The following CTNND2 variants were observed in gnomAD, a reference collection of about 807,000 sequenced individuals.
The protein encoded by CTNND2 is catenin delta-2.
CTNND2 carries 22 observed loss-of-function variants against 144.4 expected under a neutral mutation model. That is an observed-to-expected ratio of 0.15 (90% CI 0.11 to 0.22). The LOEUF is 0.22. Ranked by LOEUF, CTNND2 falls within the 10% of genes least tolerant of loss-of-function variation. The pLI, the probability that CTNND2 is intolerant of heterozygous loss-of-function variation, is 1.00. For synonymous variants in CTNND2, 751 were observed against 695.6 expected (o/e 1.08, Z -1.25); for missense variants, 1,353 against 1,618.8 (o/e 0.84, Z 2.82).
rs5865956 is a variant in CTNND2 at position 11,546,290 on chromosome 5, CT to C, written c.287+18653del. Among the ~76,000 whole-genome samples the C allele has an allele frequency of 4.0e-5, 6 of 151,790 alleles. 1 individual carries two copies. In the East Asian group the frequency reaches 7.7e-4, roughly 20 times the overall value. On this transcript the variant is annotated intron_variant, in intron 3 of 21. Coordinates refer to ENST00000304623, the MANE Select transcript of CTNND2 (RefSeq NM_001332.4). ...CATTTGATTTATATCTCAATAAAGC[CT>C]TTTTTTTCTAAAAAAAGCCCTGCAG...
chr5:11,231,403 T>G (rs951866479), intron 10 of CTNND2, among the ~76,000 whole-genome samples: 5 of 152,274 alleles, frequency 3.3e-5, no homozygotes, highest in African/African-American at 1.2e-4. Context: ...AGAGACTTGT[T>G]GAATGGCTTT....
chr5:11,049,717 G>A (rs11740371), intron 16 of CTNND2, among the ~76,000 whole-genome samples: 11,570 of 152,222 alleles, frequency 0.076, 573 homozygotes, highest in Non-Finnish European at 0.1. Context: ...CCACCCCTTT[G>A]TGCATGGAAT....
At chr5:11,113,892 G>A (rs540806064) in intron 13 of CTNND2, among the ~76,000 whole-genome samples, 43 of 152,284 alleles carry the variant, frequency 2.8e-4, no homozygotes, top group Middle Eastern at 3.4e-3. Context: ...ACTTATTACC[G>A]AGGGCATGAA....
chr5:11,724,195 C>G (rs113879670), intron 2 of CTNND2, among the ~76,000 whole-genome samples: 2,156 of 152,020 alleles, frequency 0.014, 29 homozygotes, highest in African/African-American at 0.023. Flanking sequence ...TGTCAGTAAA[C>G]AAACCAGTAA....
chr5:11,194,073 T>G (rs1381973335), intron 11 of CTNND2, among the ~76,000 whole-genome samples: 1 of 152,072 alleles, frequency 6.6e-6, no homozygotes, highest in Non-Finnish European at 1.5e-5. Flanking sequence ...AAGGAGTAAT[T>G]CAGACAAGAA....
At chr5:11,116,630 T>A (rs1172774286) in intron 13 of CTNND2, among the ~76,000 whole-genome samples, 1 of 152,242 alleles carries the variant, frequency 6.6e-6, no homozygotes, top group African/African-American at 2.4e-5. Context: ...TGAATAGACT[T>A]TGCTGATTTA....
chr5:11,405,698 GT>G (rs1250010707), intron 5 of CTNND2, among the ~76,000 whole-genome samples: 1 of 152,094 alleles, frequency 6.6e-6, no homozygotes, highest in African/African-American at 2.4e-5. Context: ...CCACCTATGT[GT>G]TTTCCCTCAG....
chr5:11,084,640 T>C (rs1217447066), intron 15 of CTNND2, among the ~76,000 whole-genome samples: 1 of 152,178 alleles, frequency 6.6e-6, no homozygotes, highest in African/African-American at 2.4e-5. Context: ...CTGATGCAAG[T>C]GCCCTCAGCC....
At chr5:11,555,814 G>A (rs770418727) in intron 3 of CTNND2, among the ~76,000 whole-genome samples, 1 of 152,136 alleles carries the variant, frequency 6.6e-6, no homozygotes, top group East Asian at 1.9e-4. Flanking sequence ...GGAAGGTTCT[G>A]CTCTGGAATT....
intron 9 of CTNND2, among the ~76,000 whole-genome samples, chr5:11,282,370 C>T (rs539402254): frequency 9.9e-5 from 15 of 152,208 alleles, no homozygotes; most frequent in South Asian, 4.2e-4. Flanking sequence ...TAAGAGGTTC[C>T]GGACTTGATA....
intron 9 of CTNND2, among the ~76,000 whole-genome samples, chr5:11,304,849 A>G (rs1213264635): frequency 2.6e-5 from 4 of 152,166 alleles, no homozygotes; most frequent in Non-Finnish European, 5.9e-5. Flanking sequence ...TCTGCTGGGA[A>G]TCTCCACGTG....
intron 7 of CTNND2, among the ~76,000 whole-genome samples, chr5:11,380,571 A>AT (rs1321114387): frequency 1.3e-5 from 2 of 152,284 alleles, no homozygotes; most frequent in East Asian, 1.9e-4. Context: ...AGCAGATATG[A>AT]TTTTTTTAAA....
At chr5:11,163,396 T>C in intron 11 of CTNND2, among the ~76,000 whole-genome samples, 1 of 152,194 alleles carries the variant, frequency 6.6e-6, no homozygotes, top group East Asian at 1.9e-4. Flanking sequence ...GACTGCAGCC[T>C]CATGACAGAC....
At chr5:11,894,108 A>C (rs1240058860) in intron 1 of CTNND2, among the ~76,000 whole-genome samples, 2 of 152,140 alleles carry the variant, frequency 1.3e-5, no homozygotes, top group Non-Finnish European at 2.9e-5. Context: ...CAAAGTATTT[A>C]AGGAAATATC....
At chr5:11,880,836 C>A (rs1403486819) in intron 1 of CTNND2, among the ~76,000 whole-genome samples, 1 of 119,448 alleles carries the variant, frequency 8.4e-6, no homozygotes, top group Non-Finnish European at 1.7e-5. Flanking sequence ...CCACTACTAC[C>A]ACTACTACTA....
intron 14 of CTNND2, among the ~76,000 whole-genome samples, chr5:11,110,192 G>T (rs566582022): frequency 1.3e-5 from 2 of 152,158 alleles, no homozygotes; most frequent in African/African-American, 2.4e-5. Flanking sequence ...AGGGTTGTGA[G>T]TTGCTGCCTA....
chr5:11,240,545 ACC>A (rs1742241304), intron 9 of CTNND2, among the ~76,000 whole-genome samples: 1 of 63,596 alleles, frequency 1.6e-5, no homozygotes, highest in Non-Finnish European at 2.6e-5. Flanking sequence ...CAACACACAC[ACC>A]CAACACACAC....
intron 3 of CTNND2, among the ~76,000 whole-genome samples, chr5:11,454,614 T>G (rs1380361714): frequency 6.6e-6 from 1 of 151,756 alleles, no homozygotes; most frequent in Non-Finnish European, 1.5e-5. Flanking sequence ...TTTTTTTTGT[T>G]GAGACAGAGT....
intron 2 of CTNND2, among the ~76,000 whole-genome samples, chr5:11,595,441 G>A (rs1043005694): frequency 2.6e-5 from 4 of 152,164 alleles, no homozygotes; most frequent in Non-Finnish European, 5.9e-5. Flanking sequence ...TACTAGCAGT[G>A]TAGGGTATAT....
Sources: gnomAD v4.1 joint callset for allele counts (sites outside exome capture counted in the v4.1 genomes callset) on GRCh38, gnomAD v4.1.1 for gene constraint, MANE v1.5 for transcripts, NCBI Gene and HGNC (gene_info 2026-07-23, HGNC 2026-07-21) for gene names.